CHD4: variants seen among roughly 807,000 people sequenced by gnomAD.
CHD4 encodes ATP-dependent chromatin remodeler CHD4.
A neutral mutation model predicts 235.5 loss-of-function variants in CHD4; 35 were observed. The ratio of observed to expected loss-of-function variants is 0.15; its 90% CI spans 0.11 to 0.20. The LOEUF is 0.20. Among genes scored for constraint, CHD4 ranks in the 10% least tolerant of loss-of-function variants. The pLI is 1.00. For synonymous variants in CHD4, 900 were observed against 850.2 expected (o/e 1.06, Z -1.02); for missense variants, 1,329 against 2,432.3 (o/e 0.55, Z 9.54).
At chr12:6,590,439 T>C (rs1948374539) in intron 22 of CHD4, among the ~76,000 whole-genome samples, 1 of 152,234 alleles carries the variant, frequency 6.6e-6, no homozygotes, top group Non-Finnish European at 1.5e-5. Flanking sequence ...AGCTAGCTAG[T>C]TGAACAGTAT....
intron 37 of CHD4, among the ~76,000 whole-genome samples, chr12:6,574,533 ACT>A (rs1458159582): frequency 1.3e-5 from 2 of 152,150 alleles, no homozygotes; most frequent in Non-Finnish European, 1.5e-5. Flanking sequence ...AAAACATATG[ACT>A]CAACATAAGA....
chr12:6,599,766 C>T lies in CHD4; in HGVS notation c.1482+7G>A. On this transcript the variant is annotated splice_region_variant and intron_variant, in intron 10 of 39. Transcript: ENST00000544040. ...ATTTTTTGCCCCGGCTGAGATCAGT[C>T]ACTCACCGTACAACGGGGACAGAGC... 1 of 1,614,160 alleles carries T rather than the reference C, an allele frequency of 6.2e-7. No homozygotes were observed. Among genetic ancestry groups the T allele is most frequent in the South Asian group, 1.1e-5 (1 of 91,064 alleles).
Position 6,582,153 on chromosome 12 carries a change from G to C in CHD4, c.4499C>G (p.Ser1500Cys). ...QHVLTRIGVM[S>C]LIRKKVQEFE... The stretch of plus-strand genomic sequence containing the variant: ...AGGGCTCACCTTCTTGCGAATCAAA[G>C]ACATAACACCAATTCTAGTAAGGAC... Residue 1500 changes from serine (S) to cysteine (C), a missense_variant, in exon 30 of 40, where the codon TCT (serine) becomes TGT (cysteine). Ser to Cys is a moderately radical substitution (Grantham distance 112). This residue lies in a region of CHD4 where 48 missense variants were observed against 109.6 expected (regional missense o/e 0.44). Coordinates refer to ENST00000544040, the MANE Select transcript of CHD4 (RefSeq NM_001273.5). 6.3e-7 allele frequency: 1 copy of C among 1,578,332 alleles called. No individual in the cohort carries two copies. The highest frequency in any genetic ancestry group is 8.6e-7 in the Non-Finnish European group (1 of 1,162,688).
At position 6,600,348 on chromosome 12, in the gene CHD4, C is replaced by T. The variant is rs1592281379; in HGVS notation, c.1111G>A (p.Asp371Asn). 6.2e-7 allele frequency: 1 copy of T among 1,614,136 alleles called. No homozygotes were observed. Among genetic ancestry groups the T allele is most frequent in the Non-Finnish European group, 8.5e-7 (1 of 1,180,030 alleles). Reference protein sequence around the residue: ...AVDGYETDHQDYCEVCQQGGE... With the variant: ...AVDGYETDHQNYCEVCQQGGE... The stretch of plus-strand genomic sequence containing the variant: ...CCTTGCTGGCACACCTCGCAATAGT[C>T]CTGGTGGTCTGTCTCATAACCATCC... Residue 371 changes from aspartate to asparagine, a missense_variant, in exon 9 of 40, where the codon GAC becomes AAC. Around this residue, in one of 26 missense-constraint regions of CHD4, gnomAD observed 13 missense variants for 56.5 expected, o/e 0.23. Transcript: ENST00000544040.
chr12:6,602,902 T>A (rs781443639), intron 2 of CHD4: 1 of 171,638 alleles, frequency 5.8e-6, no homozygotes. Flanking sequence ...AAGATCCTAC[T>A]CAGAAGGCAA....
chr12:6,589,988 C>A (rs937395976), intron 22 of CHD4: 2 of 152,094 alleles, frequency 1.3e-5, no homozygotes, highest in Non-Finnish European at 1.5e-5. Context: ...CACCTGAGGT[C>A]AGGAGTTCGA....
At chr12:6,605,459 G>A (rs1408012606) in intron 2 of CHD4, among the ~76,000 whole-genome samples, 3 of 152,114 alleles carry the variant, frequency 2.0e-5, no homozygotes, top group Non-Finnish European at 4.4e-5. Context: ...ACAACCATAC[G>A]GGTTTGGCCA....
chr12:6,577,417 CAA>C (rs60910415), intron 37 of CHD4, among the ~76,000 whole-genome samples: 23,683 of 86,708 alleles, frequency 0.27, 2,440 homozygotes, highest in African/African-American at 0.46. Flanking sequence ...GATTCTGCCT[CAA>C]AAAAAAAAAA....
At position 6,600,908 on chromosome 12, in the gene CHD4, G is replaced by A. The variant is rs559539368; in HGVS notation, c.927+18C>T. Reference sequence around the variant, plus strand: ...TTAGACATGGCACCCTCCCTAAAGCGATGGGCTGGGCTCTCACCGAGGATC... The same window carrying A: ...TTAGACATGGCACCCTCCCTAAAGCAATGGGCTGGGCTCTCACCGAGGATC... On this transcript the variant is annotated intron_variant, in intron 7 of 39. Transcript: ENST00000544040. 2.0e-5 allele frequency: 31 copies of A among 1,561,684 alleles called. No homozygotes were observed. Among genetic ancestry groups the A allele is most frequent in the Admixed American group, 1.4e-4 (7 of 49,172 alleles).
chr12:6,600,827 A>T, intron 7 of CHD4, 99 bp downstream of exon 7: 1 of 1,514,202 alleles, frequency 6.6e-7, no homozygotes, highest in East Asian at 2.3e-5. Flanking sequence ...AACGCCCCAC[A>T]TTCTTACGTG....
intron 22 of CHD4, among the ~76,000 whole-genome samples, chr12:6,590,879 C>T (rs1948383070): frequency 6.6e-6 from 1 of 151,644 alleles, no homozygotes; most frequent in African/African-American, 2.4e-5. Flanking sequence ...AATCCCAGCA[C>T]TTTGGGAGGC....
intron 12 of CHD4, among the ~76,000 whole-genome samples, chr12:6,597,327 G>A (rs181976036): frequency 6.6e-6 from 1 of 152,058 alleles, no homozygotes; most frequent in East Asian, 1.9e-4. Context: ...AGTGTCAGGC[G>A]CAGTAGCTCA....
chr12:6,592,303 T>G (rs1565611722), intron 19 of CHD4, 90 bp downstream of exon 19: 3 of 1,477,564 alleles, frequency 2.0e-6, no homozygotes, highest in Admixed American at 2.3e-5. Flanking sequence ...TGTCACCAGA[T>G]GCCTTGAAGC....
At chr12:6,604,978 C>T (rs1313482649) in intron 2 of CHD4, among the ~76,000 whole-genome samples, 2 of 152,166 alleles carry the variant, frequency 1.3e-5, no homozygotes, top group East Asian at 3.9e-4. Flanking sequence ...CCGCCCTCAC[C>T]TTGGGCAAGG....
chr12:6,578,902 T>C lies in CHD4; in HGVS notation c.4925A>G (p.Glu1642Gly). Residue 1642 changes from glutamate (E) to glycine (G), a missense_variant, in exon 34 of 40, where the codon GAG becomes GGG. Transcript: ENST00000544040. ...ETEPKGAADV[E>G]KVEEKSAIDL... ...TATTGCTGACTTTTCCTCCACCTTC[T>C]CTACATCAGCAGCACCTAGGGGAAG... 9 of 1,614,212 alleles carry C rather than the reference T, an allele frequency of 5.6e-6. No homozygotes were observed. The highest frequency in any genetic ancestry group is 6.8e-6 in the Non-Finnish European group (8 of 1,180,030).
rs751788491 is a variant in CHD4 at position 6,597,954 on chromosome 12, C to T, written c.1832G>A (p.Arg611His). Residue 611 changes from arginine (R) to histidine (H), a missense_variant, in exon 12 of 40, where the codon CGC becomes CAC. Arg to His is a conservative substitution (Grantham distance 29). Coordinates refer to ENST00000544040, the MANE Select transcript of CHD4 (RefSeq NM_001273.5). Reference protein sequence around the residue: ...KDPKFAEMEERFYRYGIKPEW... With the variant: ...KDPKFAEMEEHFYRYGIKPEW... Reference sequence around the variant, plus strand: ...GGGTTTTATCCCATAGCGATAGAAGCGTTCCTCCATCTCTGCAAATTTAGG... The same window carrying T: ...GGGTTTTATCCCATAGCGATAGAAGTGTTCCTCCATCTCTGCAAATTTAGG... The T allele has an allele frequency of 1.2e-5, 19 of 1,614,062 alleles. No homozygotes were observed. In the Admixed American group the frequency reaches 1.8e-4, roughly 16 times the overall value.
At chr12:6,595,892 A>G in intron 13 of CHD4, 114 bp downstream of exon 13, 1 of 1,159,196 alleles carries the variant, frequency 8.6e-7, no homozygotes, top group Non-Finnish European at 1.2e-6. Context: ...AGGAAGTCGG[A>G]GGTTGCAGTG....
chr12:6,574,268 G>C (rs997817418), intron 37 of CHD4, among the ~76,000 whole-genome samples: 2 of 151,966 alleles, frequency 1.3e-5, no homozygotes, highest in African/African-American at 4.8e-5. Flanking sequence ...CTCTTATGTT[G>C]TATGCACATG....
At chr12:6,580,747 G>T in intron 33 of CHD4, 2 of 271,436 alleles carry the variant, frequency 7.4e-6, no homozygotes, top group Non-Finnish European at 1.3e-5. Context: ...AGTGGCTCAT[G>T]CCTGTAATCC....
Sources: gnomAD v4.1 joint callset for allele counts (sites outside exome capture counted in the v4.1 genomes callset) on GRCh38, gnomAD v4.1.1 for gene constraint, gnomAD v4.1.1 regional missense constraint, MANE v1.5 for transcripts, NCBI Gene and HGNC (gene_info 2026-07-23, HGNC 2026-07-21) for gene names.